PGR: variants seen among roughly 807,000 people sequenced by gnomAD.
PGR encodes nuclear receptor subfamily 3 group C member 3.
Under a neutral mutation model 76.1 loss-of-function variants are expected in PGR, and 25 were observed. That is an observed-to-expected ratio of 0.33 (90% CI 0.24 to 0.46). The LOEUF (loss-of-function observed/expected upper bound fraction) is 0.46, where lower values mean the gene tolerates loss of function less well. Among genes scored for constraint, PGR ranks in the 20% least tolerant of loss-of-function variants. PGR has a pLI of 1.00. For synonymous variants in PGR, 579 were observed against 535.0 expected (o/e 1.08, Z -1.14); for missense variants, 1,172 against 1,225.3 (o/e 0.96, Z 0.65).
chr11:101,056,058 C>T (rs1322836252), intron 4 of PGR, among the ~76,000 whole-genome samples: 2 of 151,710 alleles, frequency 1.3e-5, no homozygotes, highest in Non-Finnish European at 2.9e-5. Flanking sequence ...CTATTTTTTT[C>T]CTTATTAACT....
intron 7 of PGR, among the ~76,000 whole-genome samples, chr11:101,039,947 A>T (rs1220596969): frequency 2.6e-5 from 4 of 152,062 alleles, no homozygotes; most frequent in African/African-American, 7.2e-5. Context: ...AAATGAAGAA[A>T]ATGAAGCTCT....
At chr11:101,116,730 A>C (rs1044150318) in intron 2 of PGR, among the ~76,000 whole-genome samples, 2 of 123,898 alleles carry the variant, frequency 1.6e-5, no homozygotes, top group African/African-American at 6.1e-5. Context: ...ACAGAGCTAG[A>C]TTCCACCTCA....
At chr11:101,040,824 T>C (rs1340953383) in intron 7 of PGR, among the ~76,000 whole-genome samples, 1 of 152,106 alleles carries the variant, frequency 6.6e-6, no homozygotes, top group Non-Finnish European at 1.5e-5. Context: ...CACAAATTTC[T>C]CTCCTTGATT....
At position 101,066,160 on chromosome 11, in the gene PGR, T is replaced by A. The variant is rs756528846; in HGVS notation, c.1907-3408A>T. On this transcript the variant is annotated intron_variant, in intron 3 of 7. Transcript: ENST00000325455. ...CTCTCTTCATTTCCTCTCCTCCAAT[T>A]CTCCCTTGAACCTTCTCCAGTCAGG... is the stretch of plus-strand genomic sequence containing the variant. Among the ~76,000 whole-genome samples, 29 of 152,074 alleles carry A rather than the reference T, an allele frequency of 1.9e-4. 1 individual carries two copies. Among genetic ancestry groups the A allele is most frequent in the Admixed American group, 1.3e-4 (2 of 15,250 alleles).
intron 2 of PGR, among the ~76,000 whole-genome samples, chr11:101,100,888 G>A (rs1861977415): frequency 6.6e-6 from 1 of 152,118 alleles, no homozygotes; most frequent in African/African-American, 2.4e-5. Context: ...TCAATAGTGT[G>A]AGGTTGAGAA....
Position 101,074,623 on chromosome 11 carries a change from G to C in PGR, c.1907-11871C>G, listed in dbSNP as rs144569368. Among the ~76,000 whole-genome samples the C allele has an allele frequency of 5.2e-3, 795 of 152,300 alleles. 4 individuals are homozygous for C. The highest frequency in any genetic ancestry group is 0.019 in the African/African-American group (776 of 41,568). ...CTCCTTAAGCTGATAAGCAACTTCA[G>C]TGAAGTCTCAGGATACAAAATAAAT... On this transcript the variant is annotated intron_variant, in intron 3 of 7. Coordinates refer to ENST00000325455, the MANE Select transcript of PGR (RefSeq NM_000926.4).
At chr11:101,095,102 C>A (rs575045893) in intron 2 of PGR, among the ~76,000 whole-genome samples, 36 of 152,256 alleles carry the variant, frequency 2.4e-4, no homozygotes, top group African/African-American at 6.7e-4. Context: ...TGCAGTGGAA[C>A]AGACTAAAGT....
intron 2 of PGR, among the ~76,000 whole-genome samples, chr11:101,092,799 C>T (rs1435660204): frequency 6.6e-6 from 1 of 152,046 alleles, no homozygotes; most frequent in Admixed American, 6.6e-5. Flanking sequence ...TTCTTTAAAA[C>T]AGACTGTGAG....
Position 101,031,708 on chromosome 11 carries a change from T to A in PGR, c.*7408A>T. 1 of 225,358 alleles carries A rather than the reference T, an allele frequency of 4.4e-6. No homozygotes were observed. The highest frequency in any genetic ancestry group is 8.8e-6 in the Non-Finnish European group (1 of 113,192). 14.0% of individuals were successfully genotyped at this position (225,358 alleles called of 1,614,324 possible). On this transcript the variant is annotated 3_prime_UTR_variant, in exon 8 of 8. Transcript: ENST00000325455. ...AATGCAGCAAGAATTTTGTTTTTAA[T>A]GTAGGCTTTTAAATGGGCTTTGATG...
chr11:101,125,855 A>G, intron 2 of PGR, 152 bp downstream of exon 2: 4 of 730,290 alleles, frequency 5.5e-6, no homozygotes, highest in South Asian at 1.8e-5. Context: ...ATAAATAAAA[A>G]CATATTGTTA....
intron 3 of PGR, among the ~76,000 whole-genome samples, chr11:101,078,469 T>C (rs935037159): frequency 6.6e-6 from 1 of 152,180 alleles, no homozygotes; most frequent in African/African-American, 2.4e-5. Flanking sequence ...AGATATTTTT[T>C]TGTGAGTCAT....
chr11:101,057,399 G>A (rs1346225459), intron 4 of PGR, among the ~76,000 whole-genome samples: 1 of 152,190 alleles, frequency 6.6e-6, no homozygotes, highest in Non-Finnish European at 1.5e-5. Context: ...GGAATGATGA[G>A]AGATTAACAC....
At chr11:101,078,157 C>T (rs1334778656) in intron 3 of PGR, among the ~76,000 whole-genome samples, 1 of 152,012 alleles carries the variant, frequency 6.6e-6, no homozygotes, top group African/African-American at 2.4e-5. Context: ...GAAAGTTATT[C>T]TCTTTGCCAT....
intron 1 of PGR, among the ~76,000 whole-genome samples, chr11:101,126,368 G>C (rs1479353905): frequency 6.6e-6 from 1 of 152,096 alleles, no homozygotes; most frequent in African/African-American, 2.4e-5. Flanking sequence ...TTCATCAGTA[G>C]CACCAATATA....
intron 2 of PGR, among the ~76,000 whole-genome samples, chr11:101,107,865 T>TAAAAAAAAAAAAAAAAAAAAAAAAAAA (rs56355097): frequency 2.5e-5 from 3 of 119,286 alleles, no homozygotes; most frequent in African/African-American, 9.9e-5. Context: ...ACTGGCTTTG[T>TAAAAAAAAAAAAAAAAAAAAAAAAAAA]AAAAAAAAAA....
intron 6 of PGR, among the ~76,000 whole-genome samples, chr11:101,043,732 T>C (rs1304400117): frequency 6.6e-6 from 1 of 152,184 alleles, no homozygotes; most frequent in Non-Finnish European, 1.5e-5. Context: ...ATTAATCTCC[T>C]TGTATATATC....
At chr11:101,122,945 C>T (rs1203112689) in intron 2 of PGR, among the ~76,000 whole-genome samples, 1 of 152,188 alleles carries the variant, frequency 6.6e-6, no homozygotes, top group African/African-American at 2.4e-5. Context: ...TTAGGATTCA[C>T]TTTTACCTTC....
chr11:101,129,178 G>A lies in PGR; in HGVS notation c.-108C>T. ...GCAGAGGGAGGAGAAAGTGGGTGTT[G>A]AATGTGGCTGGACCGGAGGGATCTC... On this transcript the variant is annotated 5_prime_UTR_variant, in exon 1 of 8. Transcript: ENST00000325455. The A allele has an allele frequency of 3.2e-6, 2 of 631,754 alleles. No individual in the cohort carries two copies. Among genetic ancestry groups the A allele is most frequent in the Non-Finnish European group, 4.5e-6 (2 of 446,674 alleles). 39.1% of individuals were successfully genotyped at this position (631,754 alleles called of 1,614,324 possible).
intron 2 of PGR, among the ~76,000 whole-genome samples, chr11:101,122,484 T>C (rs1182440999): frequency 2.0e-5 from 3 of 152,206 alleles, no homozygotes; most frequent in Non-Finnish European, 4.4e-5. Flanking sequence ...GTTAGTAGTC[T>C]GCATTTGTAG....
Sources: gnomAD v4.1 joint callset for allele counts (sites outside exome capture counted in the v4.1 genomes callset) on GRCh38, gnomAD v4.1.1 for gene constraint, MANE v1.5 for transcripts, NCBI Gene and HGNC (gene_info 2026-07-23, HGNC 2026-07-21) for gene names.